The following GRIK2 variants were observed in gnomAD, a reference collection of about 807,000 sequenced individuals.
The protein encoded by GRIK2 is glutamate receptor ionotropic, kainate 2.
A neutral mutation model predicts 100.3 loss-of-function variants in GRIK2; 32 were observed. That is an observed-to-expected ratio of 0.32 (90% CI 0.24 to 0.43). GRIK2 has a LOEUF of 0.43. GRIK2 is among the 20% of genes least tolerant of loss of function. GRIK2 has a pLI of 1.00. For synonymous variants in GRIK2, 417 were observed against 389.4 expected, an observed-to-expected ratio of 1.07 and a Z score of -0.83; for missense variants, 843 against 1,114.9, an observed-to-expected ratio of 0.76 and a Z score of 3.47.
At chr6:101,421,786 T>A (rs1198776298) in intron 2 of GRIK2, among the ~76,000 whole-genome samples, 1 of 152,200 alleles carries the variant, frequency 6.6e-6, no homozygotes, top group Non-Finnish European at 1.5e-5. Context: ...AAACATCTGT[T>A]GTATGATCTC....
At chr6:101,799,200 T>A (rs1034824903) in intron 7 of GRIK2, among the ~76,000 whole-genome samples, 3 of 152,234 alleles carry the variant, frequency 2.0e-5, no homozygotes, top group Middle Eastern at 3.4e-3. Flanking sequence ...TTTCTTCCTA[T>A]AAAAGGAAAC....
At chr6:101,904,690 A>T (rs918762188) in intron 12 of GRIK2, among the ~76,000 whole-genome samples, 4 of 151,526 alleles carry the variant, frequency 2.6e-5, no homozygotes, top group Non-Finnish European at 5.9e-5. Flanking sequence ...AATACTGTCA[A>T]ATCATAATTT....
At chr6:101,587,911 G>A (rs1288815043) in intron 2 of GRIK2, among the ~76,000 whole-genome samples, 1 of 152,088 alleles carries the variant, frequency 6.6e-6, no homozygotes, top group African/African-American at 2.4e-5. Flanking sequence ...GGTGGAAAAG[G>A]TGACACATGA....
chr6:101,716,783 C>G (rs1046685702), intron 7 of GRIK2, among the ~76,000 whole-genome samples: 2 of 151,742 alleles, frequency 1.3e-5, no homozygotes, highest in Admixed American at 6.6e-5. Flanking sequence ...AAATAACAAC[C>G]ACAACCACAA....
chr6:101,922,897 G>A (rs1181469054), intron 12 of GRIK2, among the ~76,000 whole-genome samples: 8 of 152,138 alleles, frequency 5.3e-5, no homozygotes, highest in African/African-American at 9.7e-5. Flanking sequence ...TTTAAAAAAC[G>A]TGTATAAACT....
intron 7 of GRIK2, among the ~76,000 whole-genome samples, chr6:101,697,729 GAAA>G (rs1772598462): frequency 6.6e-6 from 1 of 151,898 alleles, no homozygotes. Flanking sequence ...CCTAACTCTT[GAAA>G]ACAGTCTGCT....
chr6:102,063,656 A>G (rs1771863595), intron 16 of GRIK2, among the ~76,000 whole-genome samples: 1 of 150,718 alleles, frequency 6.6e-6, no homozygotes, highest in South Asian at 2.1e-4. Context: ...AGCTTTTAAG[A>G]ATAAATATTC....
At chr6:101,403,483 A>C (rs535888869) in intron 2 of GRIK2, among the ~76,000 whole-genome samples, 181 of 152,332 alleles carry the variant, frequency 1.2e-3, no homozygotes, top group Non-Finnish European at 2.1e-3. Context: ...CCTTGCGTAC[A>C]CGAAGAAGGT....
chr6:101,991,929 G>A (rs1214128562), intron 14 of GRIK2, among the ~76,000 whole-genome samples: 2 of 151,440 alleles, frequency 1.3e-5, no homozygotes, highest in Non-Finnish European at 3.0e-5. Flanking sequence ...TACATGTGAA[G>A]CATACTATAT....
intron 2 of GRIK2, among the ~76,000 whole-genome samples, chr6:101,522,428 C>T (rs1298005507): frequency 1.3e-5 from 2 of 152,130 alleles, no homozygotes; most frequent in Non-Finnish European, 2.9e-5. Flanking sequence ...ACAAGCCTAT[C>T]GTGGATTGAC....
At chr6:101,579,850 A>T (rs1457738026) in intron 2 of GRIK2, among the ~76,000 whole-genome samples, 1 of 79,526 alleles carries the variant, frequency 1.3e-5, no homozygotes, top group Non-Finnish European at 3.2e-5. Flanking sequence ...ACTGTGTCTT[A>T]AAAAAAAAAA....
intron 2 of GRIK2, among the ~76,000 whole-genome samples, chr6:101,424,062 G>A (rs1381737363): frequency 6.6e-6 from 1 of 151,932 alleles, no homozygotes; most frequent in African/African-American, 2.4e-5. Context: ...TGTATTTGGG[G>A]GTTGTTACTA....
chr6:102,034,721 C>T (rs1050491484), intron 14 of GRIK2, among the ~76,000 whole-genome samples: 3 of 151,216 alleles, frequency 2.0e-5, no homozygotes, highest in Non-Finnish European at 4.4e-5. Context: ...TTTCTGAAGT[C>T]CAGCTTAAAG....
At chr6:101,906,645 T>C (rs1172370905) in intron 12 of GRIK2, among the ~76,000 whole-genome samples, 1 of 151,828 alleles carries the variant, frequency 6.6e-6, no homozygotes, top group East Asian at 1.9e-4. Context: ...AAGTAGTTAA[T>C]AAGAATGGAT....
intron 14 of GRIK2, among the ~76,000 whole-genome samples, chr6:101,984,504 T>G (rs1409874050): frequency 6.6e-6 from 1 of 151,562 alleles, no homozygotes; most frequent in Non-Finnish European, 1.5e-5. Flanking sequence ...TAAGATTCCT[T>G]CCAGCTCTGA....
At chr6:101,895,205 G>A (rs1405445472) in intron 12 of GRIK2, among the ~76,000 whole-genome samples, 1 of 151,706 alleles carries the variant, frequency 6.6e-6, no homozygotes, top group East Asian at 1.9e-4. Flanking sequence ...AATATTCAAT[G>A]TGTTACATGC....
intron 6 of GRIK2, among the ~76,000 whole-genome samples, chr6:101,683,743 T>A (rs1328255096): frequency 6.6e-6 from 1 of 152,190 alleles, no homozygotes; most frequent in Non-Finnish European, 1.5e-5. Flanking sequence ...TAAAACACTT[T>A]TAATTGTTGT....
At chr6:101,562,522 T>A (rs1777072163) in intron 2 of GRIK2, among the ~76,000 whole-genome samples, 1 of 151,816 alleles carries the variant, frequency 6.6e-6, no homozygotes, top group Non-Finnish European at 1.5e-5. Context: ...TAGTTTTTTT[T>A]AGTAGATATG....
intron 2 of GRIK2, among the ~76,000 whole-genome samples, chr6:101,571,180 CAT>C (rs1491157024): frequency 6.6e-6 from 1 of 152,078 alleles, no homozygotes; most frequent in African/African-American, 2.4e-5. Context: ...CTTTAACTTG[CAT>C]GTTTAGTCAC....
Sources: allele counts gnomAD v4.1 joint callset (sites outside exome capture counted in the v4.1 genomes callset), GRCh38; gene constraint gnomAD v4.1.1; transcripts MANE v1.5; gene names NCBI Gene and HGNC (gene_info 2026-07-23, HGNC 2026-07-21).